LOC128462377: variants seen among roughly 807,000 people sequenced by gnomAD.
At chr16:89,374,781 G>A in the LOC128462377 span, among the ~76,000 whole-genome samples, 5 of 152,204 alleles carry the variant, frequency 3.3e-5, no homozygotes, top group Non-Finnish European at 7.3e-5. Context: ...GGACACACAC[G>A]TGTGCACAGA....
the LOC128462377 span, among the ~76,000 whole-genome samples, chr16:89,342,395 G>A: frequency 7.2e-5 from 11 of 152,344 alleles, no homozygotes; most frequent in African/African-American, 2.6e-4. Flanking sequence ...GAGGCCTTGG[G>A]AAGACAGCAT....
chr16:89,410,127 C>T, the LOC128462377 span, among the ~76,000 whole-genome samples: 1 of 152,208 alleles, frequency 6.6e-6, no homozygotes, highest in Non-Finnish European at 1.5e-5. Context: ...GCGTGAGCCA[C>T]CGCGTCCAGC....
the LOC128462377 span, chr16:89,324,626 G>GA: frequency 4.9e-6 from 2 of 412,298 alleles, no homozygotes; most frequent in Non-Finnish European, 9.8e-6. Context: ...GGAAGCACTG[G>GA]ACTGGCTGAG....
the LOC128462377 span, among the ~76,000 whole-genome samples, chr16:89,357,104 C>T: frequency 3.9e-5 from 6 of 152,196 alleles, no homozygotes; most frequent in African/African-American, 1.4e-4. Flanking sequence ...GAGGATGAGT[C>T]TGTAGGAGGG....
the LOC128462377 span, among the ~76,000 whole-genome samples, chr16:89,410,616 T>C: frequency 6.6e-6 from 1 of 152,230 alleles, no homozygotes; most frequent in Non-Finnish European, 1.5e-5. Flanking sequence ...GCAGTTGCTA[T>C]CCTGCTGACG....
At chr16:89,389,101 G>A in the LOC128462377 span, among the ~76,000 whole-genome samples, 2 of 152,100 alleles carry the variant, frequency 1.3e-5, no homozygotes, top group South Asian at 2.1e-4. Context: ...GCAGTGGTAC[G>A]ACAGCCTCCA....
At chr16:89,322,833 T>C in the LOC128462377 span, among the ~76,000 whole-genome samples, 1 of 152,152 alleles carries the variant, frequency 6.6e-6, no homozygotes, top group Non-Finnish European at 1.5e-5. Flanking sequence ...CTTAGCTTTA[T>C]CTGAAGAGTT....
At chr16:89,386,120 A>G in the LOC128462377 span, among the ~76,000 whole-genome samples, 2 of 152,250 alleles carry the variant, frequency 1.3e-5, no homozygotes, top group Non-Finnish European at 2.9e-5. Context: ...TTCGTTTTTA[A>G]GTAAAGTCAT....
chr16:89,371,263 C>T, the LOC128462377 span, among the ~76,000 whole-genome samples: 1 of 152,286 alleles, frequency 6.6e-6, no homozygotes. Flanking sequence ...CACAGAGAGG[C>T]AGGTTCAGCA....
the LOC128462377 span, among the ~76,000 whole-genome samples, chr16:89,384,346 C>A: frequency 6.6e-6 from 1 of 152,236 alleles, no homozygotes; most frequent in East Asian, 1.9e-4. Context: ...GCCCGTCCAA[C>A]ATAGCGAAAC....
At chr16:89,342,344 T>C in the LOC128462377 span, among the ~76,000 whole-genome samples, 1 of 152,240 alleles carries the variant, frequency 6.6e-6, no homozygotes, top group Non-Finnish European at 1.5e-5. Context: ...GCAGCCCATT[T>C]CACCTGAGAG....
the LOC128462377 span, among the ~76,000 whole-genome samples, chr16:89,330,988 T>C: frequency 7.2e-5 from 11 of 152,360 alleles, no homozygotes; most frequent in East Asian, 2.1e-3. Context: ...GAGTCTCACT[T>C]TGTCGCCCAG....
chr16:89,382,800 C>T, the LOC128462377 span, among the ~76,000 whole-genome samples: 1 of 152,134 alleles, frequency 6.6e-6, no homozygotes, highest in Admixed American at 6.5e-5. Context: ...GTTTAACCAC[C>T]ACCTTGACAT....
chr16:89,404,175 C>T, the LOC128462377 span, among the ~76,000 whole-genome samples: 3 of 152,140 alleles, frequency 2.0e-5, no homozygotes, highest in Non-Finnish European at 4.4e-5. Flanking sequence ...ACAGGTGGCT[C>T]GACCCACCAG....
the LOC128462377 span, among the ~76,000 whole-genome samples, chr16:89,375,105 C>T: frequency 6.6e-6 from 1 of 152,000 alleles, no homozygotes; most frequent in Non-Finnish European, 1.5e-5. Flanking sequence ...GTCGCAGGCT[C>T]AAGCAGAAGT....
chr16:89,340,098 C>T, the LOC128462377 span: 1 of 152,214 alleles, frequency 6.6e-6, no homozygotes, highest in Non-Finnish European at 1.5e-5. Context: ...ATACAAACAA[C>T]ACTAAAATGA....
chr16:89,402,801 G>T, the LOC128462377 span, among the ~76,000 whole-genome samples: 1 of 130,096 alleles, frequency 7.7e-6, no homozygotes, highest in South Asian at 2.7e-4. Context: ...TGAGGTGGGG[G>T]TTCTGCGGAA....
the LOC128462377 span, among the ~76,000 whole-genome samples, chr16:89,326,159 T>C: frequency 2.6e-5 from 4 of 152,180 alleles, no homozygotes; most frequent in African/African-American, 9.7e-5. Flanking sequence ...AAAGGTACAA[T>C]TGCACAGCTA....
At chr16:89,388,266 G>C in the LOC128462377 span, among the ~76,000 whole-genome samples, 3 of 147,520 alleles carry the variant, frequency 2.0e-5, no homozygotes, top group Admixed American at 2.1e-4. Flanking sequence ...GGGTGGTGCC[G>C]GGTGCTCTCT....
Sources: gnomAD v4.1 joint callset for allele counts (sites outside exome capture counted in the v4.1 genomes callset) on GRCh38, gnomAD v4.1.1 for gene constraint, MANE v1.5 for transcripts.